The following IFI16 variants were observed in gnomAD, a reference collection of about 807,000 sequenced individuals.
The protein encoded by IFI16 is interferon gamma inducible protein 16.
IFI16 carries 49 observed loss-of-function variants against 68.4 expected under a neutral mutation model. That is an observed-to-expected ratio of 0.72 (90% CI 0.57 to 0.91). The LOEUF (loss-of-function observed/expected upper bound fraction) is 0.91. Ranked by LOEUF, IFI16 falls within the 40% of genes least tolerant of loss-of-function variation. The pLI, the probability that IFI16 is intolerant of heterozygous loss-of-function variation, is 0.00. For missense variants in IFI16, 878 were observed against 942.9 expected, an observed-to-expected ratio of 0.93 and a Z score of 0.90; for synonymous variants, 307 against 315.0, an observed-to-expected ratio of 0.97 and a Z score of 0.27.
chr1:159,025,272 G>A (rs953153545), intron 6 of IFI16, among the ~76,000 whole-genome samples: 3 of 151,912 alleles, frequency 2.0e-5, no homozygotes, highest in Admixed American at 6.6e-5. Context: ...CCACCCCCGC[G>A]TGCTATGGCC....
chr1:159,002,763 AC>A (rs1242157693), upstream of IFI16, among the ~76,000 whole-genome samples: 1 of 152,200 alleles, frequency 6.6e-6, no homozygotes, highest in Non-Finnish European at 1.5e-5. Flanking sequence ...TCCTCAATAA[AC>A]ATTTGTTAAA....
At chr1:159,021,727 A>G (rs1292217153) in intron 6 of IFI16, among the ~76,000 whole-genome samples, 1 of 152,188 alleles carries the variant, frequency 6.6e-6, no homozygotes, top group Non-Finnish European at 1.5e-5. Flanking sequence ...CCAGCGGTGT[A>G]GAAGTGTTCC....
chr1:159,027,935 G>A (rs1102949), intron 6 of IFI16, among the ~76,000 whole-genome samples: 149,861 of 152,250 alleles, frequency 0.98, 73,803 homozygotes, highest in Middle Eastern at 1. Context: ...CGGTCTATGA[G>A]TTTTGTTTAT....
At position 159,052,024 on chromosome 1, in the gene IFI16, G is replaced by A. The variant is rs762801754; in HGVS notation, c.2011G>A (p.Val671Ile). 2.0e-5 allele frequency: 32 copies of A among 1,613,980 alleles called. No individual in the cohort carries two copies. The highest frequency in any genetic ancestry group is 1.6e-4 in the Middle Eastern group (1 of 6,062). The change falls in exon 10 of 12, where the codon GTA becomes ATA. Residue 671 changes from valine to isoleucine, a missense_variant. By Grantham distance (29) the Val-to-Ile change is conservative. Transcript: ENST00000295809. ...AAAAGGATTGATTAGAAGTGCCAGC[G>A]TAACTCCTAAAATCAATCAGCTTTG... ...IPKGLIRSASVTPKINQLCSQ... is the reference protein window; with the variant it reads ...IPKGLIRSASITPKINQLCSQ...
intron 7 of IFI16, among the ~76,000 whole-genome samples, chr1:159,044,193 G>A (rs766898833): frequency 3.9e-4 from 60 of 152,136 alleles, no homozygotes; most frequent in Non-Finnish European, 7.4e-4. Context: ...CTCACATGTG[G>A]GAAAACTGAG....
intron 7 of IFI16, among the ~76,000 whole-genome samples, chr1:159,043,478 G>A (rs1036478440): frequency 5.9e-5 from 9 of 152,178 alleles, no homozygotes; most frequent in Non-Finnish European, 1.2e-4. Flanking sequence ...ACACCACGTA[G>A]TCATTTCTTC....
chr1:159,054,855 T>G lies in IFI16; in HGVS notation c.2312T>G (p.Leu771Arg). The change falls in exon 12 of 12, where the codon CTC becomes CGC. Residue 771 changes from leucine to arginine, a missense_variant. This residue lies in a region of IFI16 where 311 missense variants were observed against 305.1 expected (regional missense o/e 1.02). Transcript: ENST00000295809. ...ACCAGGAAAAACAAGAAAGACATAC[T>G]CAATCCTGATTCAAGTATGGAAACT... ...IKTRKNKKDILNPDSSMETSP... is the reference protein window; with the variant it reads ...IKTRKNKKDIRNPDSSMETSP... The G allele has an allele frequency of 1.2e-6, 2 of 1,604,842 alleles. No homozygotes were observed. Among genetic ancestry groups the G allele is most frequent in the Non-Finnish European group, 1.7e-6 (2 of 1,173,176 alleles).
At chr1:159,025,860 T>G (rs1653636267) in intron 6 of IFI16, among the ~76,000 whole-genome samples, 1 of 152,196 alleles carries the variant, frequency 6.6e-6, no homozygotes, top group African/African-American at 2.4e-5. Context: ...AGGTGAGAGA[T>G]GAGGATCCAG....
At chr1:159,003,919 C>T (rs1268698309), upstream of IFI16, among the ~76,000 whole-genome samples, 1 of 152,140 alleles carries the variant, frequency 6.6e-6, no homozygotes, top group Non-Finnish European at 1.5e-5. Flanking sequence ...CTCAGCCTCC[C>T]AAAGTGCTGG....
At position 159,053,463 on chromosome 1, in the gene IFI16, C is replaced by T; in HGVS notation, c.2086-70C>T. ...CAAAGACAAAAGTTTCCAGAAACAC[C>T]CTGTATTTCTCATAGATTTGAAAAT... On this transcript the variant is annotated intron_variant, in intron 10 of 11. Coordinates refer to ENST00000295809, the MANE Select transcript of IFI16 (RefSeq NM_001376587.1). 2.7e-6 allele frequency: 3 copies of T among 1,128,732 alleles called. No homozygotes were observed. The East Asian group carries it at 7.2e-5, about 27-fold the overall frequency. The allele number at this position is 1,128,732 out of a possible 1,614,324, so 69.9% of individuals were successfully genotyped here.
intron 1 of IFI16, among the ~76,000 whole-genome samples, chr1:159,010,650 T>G (rs1652491142): frequency 6.6e-6 from 1 of 152,064 alleles, no homozygotes; most frequent in African/African-American, 2.4e-5. Context: ...GAGTAGAAAA[T>G]TTTTTTCAGT....
intron 2 of IFI16, 149 bp from the exon 3 acceptor site, chr1:159,015,723 C>T: frequency 3.2e-6 from 2 of 617,490 alleles, no homozygotes. Flanking sequence ...CCAGGCTGGG[C>T]TAATGCAGTA....
chr1:159,037,960 T>G (rs1418433677), intron 7 of IFI16, among the ~76,000 whole-genome samples: 1 of 152,212 alleles, frequency 6.6e-6, no homozygotes, highest in Admixed American at 6.5e-5. Flanking sequence ...TGTTACAAAA[T>G]TATGCCATAT....
intron 8 of IFI16, among the ~76,000 whole-genome samples, chr1:159,049,152 A>G (rs112589219): frequency 0.17 from 26,038 of 148,908 alleles, 3,102 homozygotes; most frequent in East Asian, 0.3. Flanking sequence ...TACCTGACCA[A>G]ATAACTCAGT....
intron 8 of IFI16, among the ~76,000 whole-genome samples, chr1:159,048,010 A>G (rs1428330616): frequency 2.1e-5 from 3 of 139,972 alleles, no homozygotes; most frequent in Non-Finnish European, 4.8e-5. Context: ...TTAAGATTTC[A>G]CTTATTTTTA....
At chr1:159,003,278 TCTG>T (rs1176832285), upstream of IFI16, among the ~76,000 whole-genome samples, 1 of 152,244 alleles carries the variant, frequency 6.6e-6, no homozygotes, top group Non-Finnish European at 1.5e-5. Context: ...TTTTAATGTT[TCTG>T]CTATTAGTTA....
intron 1 of IFI16, among the ~76,000 whole-genome samples, chr1:159,014,342 G>A (rs1261622235): frequency 6.6e-6 from 1 of 152,150 alleles, no homozygotes; most frequent in East Asian, 1.9e-4. Flanking sequence ...CCCCAGTAAA[G>A]GATAAGAAGA....
chr1:159,020,467 T>G lies in IFI16; in HGVS notation c.1099T>G (p.Phe367Val). ...AGGAGATAAGCTCCAACTTTTCTGC[T>G]TTCGACTTAGAAAAAAGAACCAGAT... ...EEGDKLQLFCFRLRKKNQMSK... is the reference protein window; with the variant it reads ...EEGDKLQLFCVRLRKKNQMSK... Residue 367 changes from phenylalanine to valine, a missense_variant, in exon 6 of 12, where the codon TTT (phenylalanine) becomes GTT (valine). This residue lies in a region of IFI16 where 443 missense variants were observed against 421.8 expected (regional missense o/e 1.05). Coordinates refer to ENST00000295809, the MANE Select transcript of IFI16 (RefSeq NM_001376587.1). The G allele has an allele frequency of 1.2e-6, 2 of 1,613,740 alleles. No homozygotes were observed. Among genetic ancestry groups the G allele is most frequent in the Non-Finnish European group, 1.7e-6 (2 of 1,179,764 alleles).
chr1:159,050,498 T>C (rs1246167530), intron 9 of IFI16, among the ~76,000 whole-genome samples: 2 of 152,204 alleles, frequency 1.3e-5, no homozygotes, highest in African/African-American at 2.4e-5. Flanking sequence ...ATTGGCCACA[T>C]TGATGAGTTC....
Sources: allele counts gnomAD v4.1 joint callset (sites outside exome capture counted in the v4.1 genomes callset), GRCh38; gene constraint gnomAD v4.1.1; regional missense constraint gnomAD v4.1.1; transcripts MANE v1.5; gene names NCBI Gene and HGNC (gene_info 2026-07-23, HGNC 2026-07-21).